CASKIN2: variants seen among roughly 807,000 people sequenced by gnomAD.
CASKIN2 encodes the protein CASK interacting protein 2.
CASKIN2 carries 41 observed loss-of-function variants against 107.1 expected under a neutral mutation model. The observed-to-expected ratio is 0.38, with a 90% confidence interval of 0.30 to 0.50. CASKIN2 has a LOEUF of 0.50. CASKIN2 is among the 20% of genes least tolerant of loss of function. The pLI is 0.92. For missense variants in CASKIN2, 1,546 were observed against 1,657.4 expected, an observed-to-expected ratio of 0.93 and a Z score of 1.17; for synonymous variants, 724 against 705.6, an observed-to-expected ratio of 1.03 and a Z score of -0.41.
rs1267050020 is a variant in CASKIN2, at chr17:75,513,835, G to C, written c.-31C>G. The C allele has an allele frequency of 6.2e-7, 1 of 1,604,394 alleles. No homozygotes were observed. Among genetic ancestry groups the C allele is most frequent in the Non-Finnish European group, 8.5e-7 (1 of 1,172,890 alleles). On this transcript the variant is annotated 5_prime_UTR_variant, in exon 2 of 20. Transcript: ENST00000321617. ...CTCCTGGGCTGAGCTCTACACTCAGGAGTCCAGGGCAAAGGCAGGCAACGG... is the reference window on the plus strand; with the variant it reads ...CTCCTGGGCTGAGCTCTACACTCAGCAGTCCAGGGCAAAGGCAGGCAACGG...
At chr17:75,503,596 C>G in intron 16 of CASKIN2, 63 bp downstream of exon 16, 2 of 1,604,362 alleles carry the variant, frequency 1.2e-6, no homozygotes, top group Non-Finnish European at 1.7e-6. Context: ...GAAAAGGCAC[C>G]GCAAAGCCAC....
rs1670109368 is a variant in CASKIN2, at chr17:75,505,792, CT to C, written c.835+28del. 1 of 1,606,462 alleles carries C rather than the reference CT, an allele frequency of 6.2e-7. No individual in the cohort carries two copies. Among genetic ancestry groups the C allele is most frequent in the Non-Finnish European group, 8.5e-7 (1 of 1,175,556 alleles). ...TACCACTTGAGCGGCCCCAGGCCCC[CT>C]GGGCAGGGTATCCTCCCCCGCACTC... On this transcript the variant is annotated intron_variant, in intron 9 of 19. Transcript: ENST00000321617. This position sits in a 1 kb window ranked among gnomAD's most constrained non-coding sequence, Gnocchi z 5.1.
Position 75,506,259 on chromosome 17 carries a change from C to T in CASKIN2, c.726+46G>A. 1 of 1,517,974 alleles carries T rather than the reference C, an allele frequency of 6.6e-7. No homozygotes were observed. Among genetic ancestry groups the T allele is most frequent in the Non-Finnish European group, 9.1e-7 (1 of 1,100,088 alleles). The allele number at this position is 1,517,974 out of a possible 1,614,324, so 94.0% of individuals were successfully genotyped here. Reference sequence around the variant, plus strand: ...TCCCCAGCCAGTCAGGGGCACAGGGCAGAGGCTCCATGGACACCTGCGAGG... The same window carrying T: ...TCCCCAGCCAGTCAGGGGCACAGGGTAGAGGCTCCATGGACACCTGCGAGG... On this transcript the variant is annotated intron_variant, in intron 8 of 19. Coordinates refer to ENST00000321617, the MANE Select transcript of CASKIN2 (RefSeq NM_020753.5). This position sits in a 1 kb window ranked among gnomAD's most constrained non-coding sequence, Gnocchi z 4.8.
chr17:75,508,136 G>T, intron 3 of CASKIN2, 98 bp downstream of exon 3: 1 of 1,329,182 alleles, frequency 7.5e-7, no homozygotes, highest in South Asian at 1.2e-5. Flanking sequence ...GAGAGGGAAA[G>T]GGACCCTGGG....
chr17:75,503,373 T>C lies in CASKIN2; in HGVS notation c.1819+16A>G, dbSNP rs1291146577. The C allele has an allele frequency of 1.2e-6, 2 of 1,609,172 alleles. No individual in the cohort carries two copies. Among genetic ancestry groups the C allele is most frequent in the Non-Finnish European group, 1.7e-6 (2 of 1,177,468 alleles). On this transcript the variant is annotated intron_variant, in intron 17 of 19. Coordinates refer to ENST00000321617, the MANE Select transcript of CASKIN2 (RefSeq NM_020753.5). Reference sequence around the variant, plus strand: ...AGGCAGGTGGGGGCCCAGCCAGGCCTCAGGACAGTCCTTACCGAGCTTGTT... The same window carrying C: ...AGGCAGGTGGGGGCCCAGCCAGGCCCCAGGACAGTCCTTACCGAGCTTGTT...
Position 75,514,105 on chromosome 17 carries a change from C to T in CASKIN2, c.-301G>A. On this transcript the variant is annotated 5_prime_UTR_variant, in exon 2 of 20. Transcript: ENST00000321617. ...AGCTCCAGGATGGGCTGGGACTGGG[C>T]ACACCAATCTTCCCGGCTTGGCTGT... 1.8e-6 allele frequency: 1 copy of T among 544,092 alleles called. No homozygotes were observed. Among genetic ancestry groups the T allele is most frequent in the Non-Finnish European group, 3.3e-6 (1 of 307,218 alleles). 33.7% of individuals were successfully genotyped at this position (544,092 alleles called of 1,614,324 possible).
At chr17:75,507,311 G>T (rs1052168820) in intron 4 of CASKIN2, among the ~76,000 whole-genome samples, 182 bp from the exon 5 acceptor site, 5 of 152,156 alleles carry the variant, frequency 3.3e-5, no homozygotes, top group Non-Finnish European at 7.4e-5. Flanking sequence ...CCAGAGTCCT[G>T]CTGTGCCCAC....
rs1598466371 is a variant in CASKIN2 at position 75,505,727 on chromosome 17, A to G, written c.836-76T>C. ...CTTCCCACCCCTCATGCCCTTGACA[A>G]CCCTCCCCCAGGGACGTCCACTCCC... On this transcript the variant is annotated intron_variant, in intron 9 of 19. Transcript: ENST00000321617. The surrounding 1 kb of genome is among the most constrained non-coding windows in gnomAD (Gnocchi z 5.1). The G allele has an allele frequency of 1.9e-6, 3 of 1,555,134 alleles. No homozygotes were observed. In the East Asian group the frequency reaches 6.8e-5, roughly 35 times the overall value.
At position 75,506,424 on chromosome 17, in the gene CASKIN2, C is replaced by T. The variant is rs377736536; in HGVS notation, c.618-11G>A. On this transcript the variant is annotated splice_polypyrimidine_tract_variant and intron_variant, in intron 7 of 19. Transcript: ENST00000321617. The surrounding 1 kb of genome is among the most constrained non-coding windows in gnomAD (Gnocchi z 4.8). Reference sequence around the variant, plus strand: ...GCTCTCAGGAGCTGCCTGCAGTGGACGGGGGGAGTCACGGGGGAGGTGGCG... The same window carrying T: ...GCTCTCAGGAGCTGCCTGCAGTGGATGGGGGGAGTCACGGGGGAGGTGGCG... The T allele has an allele frequency of 5.6e-5, 86 of 1,545,438 alleles. No individual in the cohort carries two copies. In the African/African-American group the frequency reaches 9.7e-4, roughly 17 times the overall value.
intron 2 of CASKIN2, among the ~76,000 whole-genome samples, chr17:75,510,726 G>C (rs560728713): frequency 6.6e-6 from 1 of 152,108 alleles, no homozygotes; most frequent in Non-Finnish European, 1.5e-5. Context: ...GAATAGGCGG[G>C]ACTACAGGCA....
At position 75,506,000 on chromosome 17, in the gene CASKIN2, C is replaced by T. The variant is rs1352930201; in HGVS notation, c.727-71G>A. The T allele has an allele frequency of 2.3e-5, 31 of 1,340,254 alleles. No homozygotes were observed. The highest frequency in any genetic ancestry group is 3.7e-4 in the Middle Eastern group (2 of 5,462). 83.0% of individuals were successfully genotyped at this position (1,340,254 alleles called of 1,614,324 possible). Reference sequence around the variant, plus strand: ...CCCTCACCCGATTCTCTCAGCTACCCGGGACATAGGTACTATTACCATTTT... The same window carrying T: ...CCCTCACCCGATTCTCTCAGCTACCTGGGACATAGGTACTATTACCATTTT... On this transcript the variant is annotated intron_variant, in intron 8 of 19. Transcript: ENST00000321617. This position sits in a 1 kb window ranked among gnomAD's most constrained non-coding sequence, Gnocchi z 5.1.
At position 75,514,030 on chromosome 17, in the gene CASKIN2, G is replaced by C. The variant is rs1420826674; in HGVS notation, c.-226C>G. The C allele has an allele frequency of 1.7e-6, 1 of 587,024 alleles. No individual in the cohort carries two copies. Among genetic ancestry groups the C allele is most frequent in the Non-Finnish European group, 3.0e-6 (1 of 329,464 alleles). 36.4% of individuals were successfully genotyped at this position (587,024 alleles called of 1,614,324 possible). The stretch of plus-strand genomic sequence containing the variant: ...ACGAAGGAAAGCTAATCTTTGAGGG[G>C]GTGAAGGCTACATGGAAATCTGGAT... On this transcript the variant is annotated 5_prime_UTR_variant, in exon 2 of 20. Transcript: ENST00000321617.
rs1236015857 is a variant in CASKIN2 at position 75,506,475 on chromosome 17, G to A, written c.618-62C>T. On this transcript the variant is annotated intron_variant, in intron 7 of 19. Transcript: ENST00000321617. The surrounding 1 kb of genome is among the most constrained non-coding windows in gnomAD (Gnocchi z 4.8). ...TAGGAGGGGGTGCTGACTGCTGGGG[G>A]CCTGGGAGATGGAGAGCCCGGGTGA... 6.9e-7 allele frequency: 1 copy of A among 1,446,010 alleles called. No individual in the cohort carries two copies. The highest frequency in any genetic ancestry group is 1.4e-5 in the African/African-American group (1 of 71,514). The allele number at this position is 1,446,010 out of a possible 1,614,324, so 89.6% of individuals were successfully genotyped here. A position where few individuals can be genotyped will look rare whatever the true frequency, so the allele number is the denominator to read the frequency against.
At chr17:75,509,791 C>G (rs927170348) in intron 2 of CASKIN2, 1 of 985,570 alleles carries the variant, frequency 1.0e-6, no homozygotes, top group African/African-American at 1.7e-5. Context: ...TTCAAGCTGC[C>G]CACTCTTCCA....
In CASKIN2 at chr17:75,504,304, T is replaced by C; in HGVS notation, c.1378A>G (p.Asn460Asp). 6.2e-7 allele frequency: 1 copy of C among 1,607,570 alleles called. No homozygotes were observed. The highest frequency in any genetic ancestry group is 8.5e-7 in the Non-Finnish European group (1 of 1,177,474). Reference protein sequence around the residue: ...PGLHPPSLADNLSHRPLANCR... With the variant: ...PGLHPPSLADDLSHRPLANCR... The stretch of plus-strand genomic sequence containing the variant: ...TTGGCCAGAGGGCGGTGGCTCAGGT[T>C]GTCTTCAAGGAGAGAGAAAAATGGA... The change falls in exon 14 of 20, where the codon AAC (asparagine) becomes GAC (aspartate). Residue 460 changes from asparagine to aspartate, a missense_variant and splice_region_variant. By Grantham distance (23) the Asn-to-Asp change is conservative. Around this residue, in one of 6 missense-constraint regions of CASKIN2, gnomAD observed 1,311 missense variants for 1,311.0 expected, o/e 1.00. Transcript: ENST00000321617.
At position 75,513,783 on chromosome 17, in the gene CASKIN2, T is replaced by C. The variant is rs2053334174; in HGVS notation, c.22A>G (p.Ile8Val). 1.2e-6 allele frequency: 2 copies of C among 1,613,754 alleles called. No homozygotes were observed. The highest frequency in any genetic ancestry group is 1.7e-6 in the Non-Finnish European group (2 of 1,179,990). Reference protein sequence around the residue: MGREQDLILAVKNGDVTG... With the variant: MGREQDLVLAVKNGDVTG... ...ACATCTCCATTCTTGACGGCGAGGA[T>C]CAGGTCCTGTTCACGACCCATACTG... Residue 8 changes from isoleucine to valine, a missense_variant, in exon 2 of 20, where the codon ATC (isoleucine) becomes GTC (valine). This residue lies in a region of CASKIN2 where 136 missense variants were observed against 198.6 expected (regional missense o/e 0.68). Coordinates refer to ENST00000321617, the MANE Select transcript of CASKIN2 (RefSeq NM_020753.5).
intron 2 of CASKIN2, among the ~76,000 whole-genome samples, chr17:75,509,170 G>A (rs147151454): frequency 6.6e-6 from 1 of 152,256 alleles, no homozygotes; most frequent in African/African-American, 2.4e-5. Context: ...TCGGGGCAGG[G>A]TTCAGGCAGG....
At position 75,507,056 on chromosome 17, in the gene CASKIN2, C is replaced by T. The variant is rs143563163; in HGVS notation, c.318G>A (p.Ala106=). 4.0e-5 allele frequency: 65 copies of T among 1,612,316 alleles called. No homozygotes were observed. In the Middle Eastern group the frequency reaches 5.0e-4, roughly 12 times the overall value. Residue 106 remains alanine, a synonymous_variant, in exon 5 of 20, where the codon GCG becomes GCA. Coordinates refer to ENST00000321617, the MANE Select transcript of CASKIN2 (RefSeq NM_020753.5). ...EPVRLLLRAS[A]AVNAASLDGQ... ...CGTCCAGCGAGGCGGCATTGACAGCCGCAGAGGCGCGCAGCAGCAGCCTCA... is the reference window on the plus strand; with the variant it reads ...CGTCCAGCGAGGCGGCATTGACAGCTGCAGAGGCGCGCAGCAGCAGCCTCA...
Position 75,505,189 on chromosome 17 carries a change from G to A in CASKIN2, c.931-116C>T. 2 of 1,194,726 alleles carry A rather than the reference G, an allele frequency of 1.7e-6. No homozygotes were observed. Among genetic ancestry groups the A allele is most frequent in the Admixed American group, 1.8e-5 (1 of 54,260 alleles). 74.0% of individuals were successfully genotyped at this position (1,194,726 alleles called of 1,614,324 possible). On this transcript the variant is annotated intron_variant, in intron 10 of 19. Transcript: ENST00000321617. This position sits in a 1 kb window ranked among gnomAD's most constrained non-coding sequence, Gnocchi z 5.1. Reference sequence around the variant, plus strand: ...GGTCCAGCTCTTTCCCTACCCCTAAGGAGCTGGCCTCTGATGCCCACACTG... The same window carrying A: ...GGTCCAGCTCTTTCCCTACCCCTAAAGAGCTGGCCTCTGATGCCCACACTG...
Sources: allele counts gnomAD v4.1 joint callset (sites outside exome capture counted in the v4.1 genomes callset), GRCh38; gene constraint gnomAD v4.1.1; regional missense constraint gnomAD v4.1.1; non-coding constraint Gnocchi (gnomAD v3.1); transcripts MANE v1.5; gene names NCBI Gene and HGNC (gene_info 2026-07-23, HGNC 2026-07-21).